DOCK7: variants seen among roughly 807,000 people sequenced by gnomAD.
DOCK7 encodes dedicator of cytokinesis protein 7.
Under a neutral mutation model 271.0 loss-of-function variants are expected in DOCK7, and 138 were observed. The observed-to-expected ratio is 0.51, with a 90% CI of 0.44 to 0.59. The LOEUF is 0.59. Among genes scored for constraint, DOCK7 ranks in the 20% least tolerant of loss-of-function variants. The pLI, the probability that DOCK7 is intolerant of heterozygous loss-of-function variation, is 0.00. For synonymous variants in DOCK7, 823 were observed against 876.1 expected, an observed-to-expected ratio of 0.94 and a Z score of 1.07; for missense variants, 2,066 against 2,592.4, an observed-to-expected ratio of 0.80 and a Z score of 4.41.
At chr1:62,658,951 CT>C (rs1460924472) in intron 2 of DOCK7, among the ~76,000 whole-genome samples, 2 of 146,912 alleles carry the variant, frequency 1.4e-5, no homozygotes, top group Non-Finnish European at 3.0e-5. Flanking sequence ...AGACCCCTGT[CT>C]CAAAAGAGAA....
rs540683152 is a variant in DOCK7 at position 62,606,460 on chromosome 1, C to T, written c.1682+12246G>A. ...AGAAAGGAGCTCTTTATGGTTCACA[C>T]GACTGTCTCCTGTCCTAACTACTTT... is the stretch of plus-strand genomic sequence containing the variant. On this transcript the variant is annotated intron_variant, in intron 14 of 49. Coordinates refer to ENST00000635253, the MANE Select transcript of DOCK7 (RefSeq NM_001367561.1). Among the ~76,000 whole-genome samples, 7 of 152,170 alleles carry T rather than the reference C, an allele frequency of 4.6e-5. 1 individual carries two copies. The South Asian group carries it at 6.2e-4, about 14-fold the overall frequency.
chr1:62,620,510 A>C (rs1653048006), intron 12 of DOCK7, among the ~76,000 whole-genome samples: 1 of 151,994 alleles, frequency 6.6e-6, no homozygotes, highest in Admixed American at 6.6e-5. Context: ...TAATAATACC[A>C]CTGTCTTTTT....
chr1:62,553,759 CATT>C (rs1646035517), intron 21 of DOCK7, among the ~76,000 whole-genome samples: 2 of 150,008 alleles, frequency 1.3e-5, no homozygotes, highest in African/African-American at 2.4e-5. Flanking sequence ...TAAATAAAAT[CATT>C]ATCTCTTCAG....
At chr1:62,455,498 A>G in intron 49 of DOCK7, 42 bp from the exon 50 acceptor site, 3 of 1,564,720 alleles carry the variant, frequency 1.9e-6, no homozygotes, top group Non-Finnish European at 1.8e-6. Context: ...AAAGAGAACA[A>G]TTTTTGCATA....
chr1:62,490,805 A>T (rs1646443572), intron 41 of DOCK7, among the ~76,000 whole-genome samples: 1 of 152,152 alleles, frequency 6.6e-6, no homozygotes, highest in African/African-American at 2.4e-5. Flanking sequence ...AAAACAAAAA[A>T]ATTTTTCCCC....
rs921913400 is a variant in DOCK7, at chr1:62,598,629, T to G, written c.1683-12005A>C. 3.6e-6 allele frequency: 3 copies of G among 834,142 alleles called. No individual in the cohort carries two copies. In the Admixed American group the frequency reaches 5.4e-5, roughly 15 times the overall value. 51.7% of individuals were successfully genotyped at this position (834,142 alleles called of 1,614,324 possible). ...AGTTTAAAAATTTAGATTATGATAG[T>G]GTTACAGGAAATTAATAGAAAAGAA... On this transcript the variant is annotated intron_variant, in intron 14 of 49. Transcript: ENST00000635253.
chr1:62,659,614 G>A (rs1351929431), intron 2 of DOCK7, among the ~76,000 whole-genome samples: 1 of 152,128 alleles, frequency 6.6e-6, no homozygotes, highest in Admixed American at 6.5e-5. Flanking sequence ...GAGATTAGCA[G>A]AAAGGACTTT....
intron 29 of DOCK7, among the ~76,000 whole-genome samples, chr1:62,535,017 A>G (rs1457879707): frequency 6.6e-6 from 1 of 152,098 alleles, no homozygotes; most frequent in Non-Finnish European, 1.5e-5. Context: ...TGAACCCAGA[A>G]GGCAGAGGTT....
intron 2 of DOCK7, among the ~76,000 whole-genome samples, chr1:62,655,583 C>A (rs1306758885): frequency 6.6e-6 from 1 of 152,066 alleles, no homozygotes; most frequent in Non-Finnish European, 1.5e-5. Context: ...AGCTACCATG[C>A]CTCACTAATT....
intron 12 of DOCK7, among the ~76,000 whole-genome samples, chr1:62,624,026 T>C (rs1653611821): frequency 6.6e-6 from 1 of 152,164 alleles, no homozygotes; most frequent in African/African-American, 2.4e-5. Context: ...AAGGAATTAC[T>C]AGCATTTTCC....
intron 17 of DOCK7, among the ~76,000 whole-genome samples, chr1:62,577,821 G>T (rs1397196537): frequency 6.6e-6 from 1 of 152,142 alleles, no homozygotes; most frequent in Non-Finnish European, 1.5e-5. Flanking sequence ...TCAAATGTTG[G>T]CTTTTCTCTT....
intron 21 of DOCK7, among the ~76,000 whole-genome samples, chr1:62,554,943 C>T (rs898796740): frequency 2.0e-5 from 3 of 152,170 alleles, no homozygotes; most frequent in South Asian, 2.1e-4. Flanking sequence ...GTGTTCATAA[C>T]GAACGTCACA....
chr1:62,488,354 T>C (rs1278432096), intron 42 of DOCK7: 2 of 152,842 alleles, frequency 1.3e-5, no homozygotes, highest in Non-Finnish European at 2.9e-5. Flanking sequence ...GTAGATTCCA[T>C]AATGAACTAC....
At chr1:62,643,528 T>C (rs1244138516) in intron 7 of DOCK7, among the ~76,000 whole-genome samples, 1 of 152,220 alleles carries the variant, frequency 6.6e-6, no homozygotes, top group African/African-American at 2.4e-5. Context: ...TCTCTTTTTC[T>C]CTCTGGCCGC....
chr1:62,625,329 C>T lies in DOCK7; in HGVS notation c.1355G>A (p.Ser452Asn), dbSNP rs1557822340. 3.1e-6 allele frequency: 5 copies of T among 1,613,732 alleles called. No homozygotes were observed. In the Admixed American group the frequency reaches 8.3e-5, roughly 27 times the overall value. ...CGTCAAGTTACAAGCATCATCTCCA[C>T]TTGTTGTCCTTTCAAGTGATCGTCT... ...VGRRSLERTTSGDDACNLTSF... is the reference protein window; with the variant it reads ...VGRRSLERTTNGDDACNLTSF... The change falls in exon 12 of 50, where the codon AGT becomes AAT. Residue 452 changes from serine (S) to asparagine (N), a missense_variant. By Grantham distance (46) the Ser-to-Asn change is conservative. Transcript: ENST00000635253.
At position 62,619,991 on chromosome 1, in the gene DOCK7, T is replaced by C; in HGVS notation, c.1428A>G (p.Glu476=). The C allele has an allele frequency of 6.2e-7, 1 of 1,610,040 alleles. No homozygotes were observed. Residue 476 remains glutamate (E), a splice_region_variant and synonymous_variant, in exon 13 of 50, where the codon GAA becomes GAG. Transcript: ENST00000635253. ...TLTVTNFFKQ[E]GDRLSDEDLY... ...GATCTTCATCACTTAAGCGGTCTCC[T>C]TCCTGATTTCAATAATAGAGGAAAA...
chr1:62,620,875 C>T lies in DOCK7; in HGVS notation c.1426-882G>A, dbSNP rs1342516836. On this transcript the variant is annotated intron_variant, in intron 12 of 49. Coordinates refer to ENST00000635253, the MANE Select transcript of DOCK7 (RefSeq NM_001367561.1). ...CTCCAGCCTGGATGACAGAAAAAGA[C>T]TCCGTCTCAAAAAAAAAAAAAAAAA... Among the ~76,000 whole-genome samples, 15 of 119,296 alleles carry T rather than the reference C, an allele frequency of 1.3e-4. No homozygotes were observed. In the East Asian group the frequency reaches 3.5e-3, roughly 28 times the overall value. The allele number at this position is 119,296 out of a possible 152,430, so 78.3% of individuals were successfully genotyped here.
intron 37 of DOCK7, among the ~76,000 whole-genome samples, chr1:62,502,057 A>G (rs1270995000): frequency 6.6e-6 from 1 of 152,170 alleles, no homozygotes; most frequent in Non-Finnish European, 1.5e-5. Flanking sequence ...CTTAAAAATT[A>G]TTTCAGTGAA....
chr1:62,487,666 G>T (rs531981777), intron 42 of DOCK7: 34 of 390,608 alleles, frequency 8.7e-5, no homozygotes, highest in Middle Eastern at 7.3e-4. Flanking sequence ...CCAGCAGCTT[G>T]TTCCATTTAC....
Sources: allele counts gnomAD v4.1 joint callset (sites outside exome capture counted in the v4.1 genomes callset), GRCh38; gene constraint gnomAD v4.1.1; transcripts MANE v1.5; gene names NCBI Gene and HGNC (gene_info 2026-07-23, HGNC 2026-07-21).